MDGA2: variants seen among roughly 807,000 people sequenced by gnomAD.
The protein encoded by MDGA2 is MAM domain-containing glycosylphosphatidylinositol anchor protein 2.
In MDGA2, 40 loss-of-function variants were observed where a neutral mutation model predicts 117.8. The observed-to-expected ratio is 0.34, with a 90% confidence interval of 0.26 to 0.44. The LOEUF is 0.44. Ranked by LOEUF, MDGA2 falls within the 20% of genes least tolerant of loss-of-function variation. The probability of loss-of-function intolerance (pLI) is 1.00; values close to 1 mark genes in which losing one functional copy is unlikely to be tolerated. For missense variants in MDGA2, 1,123 were observed against 1,250.6 expected (o/e 0.90, Z 1.54); for synonymous variants, 452 against 439.0 (o/e 1.03, Z -0.37).
At chr14:47,626,155 A>G (rs1897134937) in intron 1 of MDGA2, among the ~76,000 whole-genome samples, 1 of 152,174 alleles carries the variant, frequency 6.6e-6, no homozygotes, top group South Asian at 2.1e-4. Context: ...CATTCTATCT[A>G]TCAACAATCT....
At chr14:47,225,264 G>A (rs1886444759) in intron 2 of MDGA2, among the ~76,000 whole-genome samples, 1 of 151,930 alleles carries the variant, frequency 6.6e-6, no homozygotes, top group African/African-American at 2.4e-5. Context: ...CGATCCTCAG[G>A]GATCTAGAAC....
At chr14:47,206,033 G>A (rs752680574) in intron 3 of MDGA2, among the ~76,000 whole-genome samples, 2 of 152,004 alleles carry the variant, frequency 1.3e-5, no homozygotes, top group Non-Finnish European at 2.9e-5. Context: ...GCAGATCTCA[G>A]TCTCACATTG....
In MDGA2 at chr14:46,985,786, C is replaced by T. The variant is rs112728540; in HGVS notation, c.1820-28143G>A. Among the ~76,000 whole-genome samples the T allele has an allele frequency of 5.6e-3, 859 of 152,118 alleles. 12 individuals carry two copies. Among genetic ancestry groups the T allele is most frequent in the African/African-American group, 0.02 (817 of 41,516 alleles). On this transcript the variant is annotated intron_variant, in intron 8 of 16. Transcript: ENST00000399232. ...CAAAGTCAAAGAACACTTTTACGGA[C>T]CTTACATAATTTCAATGAACAGGTT...
chr14:47,586,454 C>G (rs895710961), intron 1 of MDGA2, among the ~76,000 whole-genome samples: 5 of 151,862 alleles, frequency 3.3e-5, no homozygotes, highest in Middle Eastern at 3.4e-3. Context: ...TCTTAGAAAG[C>G]TTAGAATAAA....
intron 1 of MDGA2, among the ~76,000 whole-genome samples, chr14:47,337,549 G>A (rs1229094047): frequency 6.6e-6 from 1 of 151,898 alleles, no homozygotes; most frequent in Non-Finnish European, 1.5e-5. Flanking sequence ...AAAGAGGAGA[G>A]GCACTTTAAA....
At chr14:47,376,630 T>C (rs919120956) in intron 1 of MDGA2, among the ~76,000 whole-genome samples, 2 of 152,170 alleles carry the variant, frequency 1.3e-5, no homozygotes, top group African/African-American at 2.4e-5. Flanking sequence ...CCCTTTGATT[T>C]TGAGTTATCG....
chr14:47,674,100 G>A (rs1273552101), intron 1 of MDGA2, among the ~76,000 whole-genome samples: 1 of 151,900 alleles, frequency 6.6e-6, no homozygotes, highest in Non-Finnish European at 1.5e-5. Context: ...GGAGGCGGCG[G>A]GGGCGGAGAG....
At chr14:46,999,676 C>T (rs945501351) in intron 8 of MDGA2, among the ~76,000 whole-genome samples, 1 of 152,014 alleles carries the variant, frequency 6.6e-6, no homozygotes, top group African/African-American at 2.4e-5. Flanking sequence ...GAAACAAGGG[C>T]AGCCATATCT....
Position 46,848,103 on chromosome 14 carries a change from A to C in MDGA2, c.2884-2232T>G, listed in dbSNP as rs1880914996. Among the ~76,000 whole-genome samples the C allele has an allele frequency of 2.0e-5, 3 of 152,016 alleles. No individual in the cohort carries two copies. The South Asian group carries it at 6.2e-4, about 32-fold the overall frequency. On this transcript the variant is annotated intron_variant, in intron 15 of 16. Coordinates refer to ENST00000399232, the MANE Select transcript of MDGA2 (RefSeq NM_001113498.3). ...TTATGTGGGGAAGTGAGATGTGGTGAAGAGTCTAATAAAGGTGGGTTAAAA... is the reference window on the plus strand; with the variant it reads ...TTATGTGGGGAAGTGAGATGTGGTGCAGAGTCTAATAAAGGTGGGTTAAAA...
intron 1 of MDGA2, among the ~76,000 whole-genome samples, chr14:47,641,906 G>A (rs542532370): frequency 2.0e-5 from 3 of 152,080 alleles, no homozygotes; most frequent in Non-Finnish European, 4.4e-5. Context: ...GAATGGAGAA[G>A]AGGAGAGCAG....
chr14:47,342,281 T>TAA (rs58883627), intron 1 of MDGA2, among the ~76,000 whole-genome samples: 147 of 82,410 alleles, frequency 1.8e-3, no homozygotes, highest in African/African-American at 3.7e-3. Flanking sequence ...TATATATATA[T>TAA]AAAATATGTT....
At chr14:47,586,471 C>A (rs1896327074) in intron 1 of MDGA2, among the ~76,000 whole-genome samples, 1 of 151,856 alleles carries the variant, frequency 6.6e-6, no homozygotes, top group African/African-American at 2.4e-5. Flanking sequence ...TAAAATAAAG[C>A]AAGACAATGA....
At chr14:47,533,038 G>T (rs1239240332) in intron 1 of MDGA2, among the ~76,000 whole-genome samples, 1 of 152,124 alleles carries the variant, frequency 6.6e-6, no homozygotes, top group Non-Finnish European at 1.5e-5. Context: ...CATCTTTTCT[G>T]ACAGCATCCA....
At chr14:47,420,997 A>G (rs1450670382) in intron 1 of MDGA2, among the ~76,000 whole-genome samples, 1 of 152,144 alleles carries the variant, frequency 6.6e-6, no homozygotes, top group Non-Finnish European at 1.5e-5. Flanking sequence ...CCTGAGAAAT[A>G]TAGTACAGCA....
At chr14:47,134,086 T>A (rs566805767) in intron 4 of MDGA2, among the ~76,000 whole-genome samples, 3 of 152,088 alleles carry the variant, frequency 2.0e-5, no homozygotes, top group African/African-American at 7.2e-5. Context: ...AATTAACATA[T>A]ACATAACCTC....
intron 14 of MDGA2, among the ~76,000 whole-genome samples, chr14:46,865,269 T>G (rs191954772): frequency 6.6e-6 from 1 of 151,390 alleles, no homozygotes; most frequent in African/African-American, 2.4e-5. Context: ...TAATCCATTC[T>G]TGCAAAACTC....
intron 8 of MDGA2, among the ~76,000 whole-genome samples, chr14:46,964,987 G>A (rs1311189699): frequency 1.5e-5 from 2 of 130,110 alleles, no homozygotes; most frequent in South Asian, 2.5e-4. Context: ...GCAGTGGCAC[G>A]ATCTCGGCTC....
intron 1 of MDGA2, among the ~76,000 whole-genome samples, chr14:47,388,301 A>G (rs1419516335): frequency 1.3e-5 from 2 of 152,144 alleles, no homozygotes; most frequent in African/African-American, 2.4e-5. Flanking sequence ...ACTGTCCACC[A>G]TTATCCAGGT....
At chr14:47,627,892 G>A (rs1030442243) in intron 1 of MDGA2, among the ~76,000 whole-genome samples, 6 of 152,168 alleles carry the variant, frequency 3.9e-5, no homozygotes, top group Non-Finnish European at 7.3e-5. Context: ...CCACCAGAAG[G>A]AAGAAACTCC....
Sources: gnomAD v4.1 joint callset for allele counts (sites outside exome capture counted in the v4.1 genomes callset) on GRCh38, gnomAD v4.1.1 for gene constraint, MANE v1.5 for transcripts, NCBI Gene and HGNC (gene_info 2026-07-23, HGNC 2026-07-21) for gene names.